The following KDM2A variants were observed in gnomAD, a reference collection of about 807,000 sequenced individuals.
KDM2A encodes lysine-specific demethylase 2A.
Under a neutral mutation model 137.3 loss-of-function variants are expected in KDM2A, and 3 were observed. That is an observed-to-expected ratio of 0.02 (90% CI 0.01 to 0.06). KDM2A has a LOEUF of 0.06. KDM2A is among the 10% of genes least tolerant of loss of function. The probability of loss-of-function intolerance (pLI) is 1.00; values close to 1 mark genes in which losing one functional copy is unlikely to be tolerated. For synonymous variants in KDM2A, 512 were observed against 541.5 expected (o/e 0.95, Z 0.76); for missense variants, 738 against 1,510.6 (o/e 0.49, Z 8.48).
intron 12 of KDM2A, among the ~76,000 whole-genome samples, chr11:67,235,302 ATTT>A (rs139776975): frequency 3.0e-5 from 4 of 134,522 alleles, no homozygotes; most frequent in Admixed American, 7.3e-5. Context: ...TACTATGAGA[ATTT>A]TTTTTTTTTT....
At chr11:67,213,342 G>A (rs939173294) in intron 6 of KDM2A, among the ~76,000 whole-genome samples, 5 of 152,158 alleles carry the variant, frequency 3.3e-5, no homozygotes, top group Admixed American at 2.0e-4. Flanking sequence ...TTTGGCTCTC[G>A]AGTTTTACCT....
intron 6 of KDM2A, among the ~76,000 whole-genome samples, chr11:67,211,613 CAAA>C (rs377116306): frequency 4.0e-5 from 2 of 50,260 alleles, no homozygotes; most frequent in Non-Finnish European, 6.2e-5. Context: ...GACCCTGTCT[CAAA>C]AAAAAAAAAA....
intron 2 of KDM2A, among the ~76,000 whole-genome samples, chr11:67,164,096 A>G (rs1856691875): frequency 6.6e-6 from 1 of 152,118 alleles, no homozygotes; most frequent in Admixed American, 6.6e-5. Flanking sequence ...ATTTGTATAT[A>G]TGTTTTCATT....
chr11:67,171,009 A>G (rs1162491970), intron 2 of KDM2A, among the ~76,000 whole-genome samples: 1 of 152,182 alleles, frequency 6.6e-6, no homozygotes, highest in Non-Finnish European at 1.5e-5. Flanking sequence ...GCTTTGGTAA[A>G]GAGGGTATTA....
chr11:67,217,805 A>G lies in KDM2A; in HGVS notation c.762A>G (p.Gly254=), dbSNP rs1251313387. The part of the protein sequence containing the change: ...YENWLLSGKQ[G]DIFLGDRVSD... ...ATTGGCTGCTGTCAGGGAAACAGGG[A>G]GACATCTTTCTGGGTGACCGGGTAT... is the stretch of plus-strand genomic sequence containing the variant. Residue 254 remains glycine, a synonymous_variant, in exon 9 of 21, where the codon GGA becomes GGG. Coordinates refer to ENST00000529006, the MANE Select transcript of KDM2A (RefSeq NM_012308.3). 1 of 1,613,586 alleles carries G rather than the reference A, an allele frequency of 6.2e-7. No individual in the cohort carries two copies. The highest frequency in any genetic ancestry group is 8.5e-7 in the Non-Finnish European group (1 of 1,179,754).
chr11:67,165,472 C>T (rs1249859547), intron 2 of KDM2A, among the ~76,000 whole-genome samples: 1 of 152,114 alleles, frequency 6.6e-6, no homozygotes, highest in Non-Finnish European at 1.5e-5. Context: ...GCTTCTACTC[C>T]TAGATGTGAA....
At chr11:67,202,775 CAAAAA>C (rs891639478) in intron 5 of KDM2A, among the ~76,000 whole-genome samples, 1 of 128,712 alleles carries the variant, frequency 7.8e-6, no homozygotes, top group Non-Finnish European at 1.7e-5. Context: ...GACTTCGTCT[CAAAAA>C]AAAAAAAGAA....
intron 2 of KDM2A, among the ~76,000 whole-genome samples, chr11:67,146,632 A>T (rs564914588): frequency 6.6e-6 from 1 of 151,942 alleles, no homozygotes; most frequent in African/African-American, 2.4e-5. Flanking sequence ...CCTCAGCCCC[A>T]CAAGTACCAG....
At chr11:67,225,723 C>G (rs924843945) in intron 10 of KDM2A, among the ~76,000 whole-genome samples, 3 of 148,182 alleles carry the variant, frequency 2.0e-5, no homozygotes, top group Admixed American at 6.7e-5. Context: ...GAGCCGAGAT[C>G]ACACCACTGG....
chr11:67,147,790 G>A (rs1407799099), intron 2 of KDM2A, among the ~76,000 whole-genome samples: 3 of 151,416 alleles, frequency 2.0e-5, no homozygotes, highest in Non-Finnish European at 2.9e-5. Context: ...CGATTCTCCA[G>A]CCTCAACCTT....
At chr11:67,232,437 A>G (rs1394521792) in intron 12 of KDM2A, among the ~76,000 whole-genome samples, 1 of 152,210 alleles carries the variant, frequency 6.6e-6, no homozygotes, top group African/African-American at 2.4e-5. Flanking sequence ...CATTGGGAAA[A>G]GCATCATTTT....
At chr11:67,216,750 A>G (rs1590795129) in intron 8 of KDM2A, among the ~76,000 whole-genome samples, 2 of 152,036 alleles carry the variant, frequency 1.3e-5, no homozygotes, top group African/African-American at 4.8e-5. Flanking sequence ...GAGAAAGTGC[A>G]TCTCTACTAA....
intron 5 of KDM2A, among the ~76,000 whole-genome samples, chr11:67,195,301 G>C (rs1274310527): frequency 7.6e-6 from 1 of 130,790 alleles, no homozygotes; most frequent in Non-Finnish European, 1.5e-5. Context: ...CCCAGAAGGC[G>C]AAGGCTGCAG....
intron 11 of KDM2A, among the ~76,000 whole-genome samples, chr11:67,229,910 C>T (rs1858659769): frequency 6.6e-6 from 1 of 150,836 alleles, no homozygotes; most frequent in Non-Finnish European, 1.5e-5. Context: ...GGTGTGGTGG[C>T]TCACACCTGT....
chr11:67,134,924 A>G (rs546891982), intron 2 of KDM2A, among the ~76,000 whole-genome samples: 1 of 152,300 alleles, frequency 6.6e-6, no homozygotes, highest in Admixed American at 6.5e-5. Context: ...TTTTCACAAA[A>G]CTAACTTCAT....
chr11:67,252,606 C>T (rs1487455355), intron 17 of KDM2A, 88 bp from the exon 18 acceptor site: 1 of 1,433,812 alleles, frequency 7.0e-7, no homozygotes, highest in East Asian at 2.3e-5. Context: ...TCCAGGTACT[C>T]TGCTTTTCCC....
intron 2 of KDM2A, among the ~76,000 whole-genome samples, chr11:67,122,877 G>C (rs375503206): frequency 1.3e-5 from 2 of 151,272 alleles, no homozygotes; most frequent in South Asian, 2.1e-4. Flanking sequence ...GGGTTTCACT[G>C]TGTTAGCCAG....
intron 5 of KDM2A, among the ~76,000 whole-genome samples, chr11:67,204,692 C>T (rs561241252): frequency 2.6e-4 from 40 of 152,022 alleles, no homozygotes; most frequent in Admixed American, 7.9e-4. Context: ...GGGGTTTCAC[C>T]GTGATAGCCA....
chr11:67,171,232 G>T (rs1377183836), intron 2 of KDM2A, among the ~76,000 whole-genome samples: 2 of 152,148 alleles, frequency 1.3e-5, no homozygotes, highest in African/African-American at 4.8e-5. Flanking sequence ...AAAGCCCTAA[G>T]AGAGCTACTT....
Sources: gnomAD v4.1 joint callset for allele counts (sites outside exome capture counted in the v4.1 genomes callset) on GRCh38, gnomAD v4.1.1 for gene constraint, MANE v1.5 for transcripts, NCBI Gene and HGNC (gene_info 2026-07-23, HGNC 2026-07-21) for gene names.